KCTD7: variants seen among roughly 807,000 people sequenced by gnomAD.
KCTD7 encodes potassium channel tetramerization domain containing 7.
A neutral mutation model predicts 27.0 loss-of-function variants in KCTD7; 15 were observed. That is an observed-to-expected ratio of 0.56 (90% confidence interval 0.37 to 0.86). KCTD7 has a LOEUF of 0.86. Among genes scored for constraint, KCTD7 ranks in the 40% least tolerant of loss-of-function variants. KCTD7 has a pLI of 0.00. For synonymous variants in KCTD7, 159 were observed against 162.7 expected (o/e 0.98, Z 0.17); for missense variants, 299 against 398.9 (o/e 0.75, Z 2.13).
Position 66,640,257 on chromosome 7 carries a change from A to G in KCTD7, c.*1025A>G. On this transcript the variant is annotated 3_prime_UTR_variant, in exon 4 of 4. Transcript: ENST00000639828. ...GAAGGGCTGGGTGAGACACACAGCT[A>G]TCCTAGGAGCCGTAGGAAGACAAAA... 6.7e-7 allele frequency: 1 copy of G among 1,491,138 alleles called. No individual in the cohort carries two copies. Among genetic ancestry groups the G allele is most frequent in the Non-Finnish European group, 8.9e-7 (1 of 1,125,794 alleles). 92.4% of individuals were successfully genotyped at this position (1,491,138 alleles called of 1,614,324 possible). A position where few individuals can be genotyped will look rare whatever the true frequency, so the allele number is the denominator to read the frequency against.
rs1786741922 is a variant in KCTD7, at chr7:66,642,454, T to A, written c.*3222T>A. On this transcript the variant is annotated 3_prime_UTR_variant, in exon 4 of 4. Coordinates refer to ENST00000639828, the MANE Select transcript of KCTD7 (RefSeq NM_153033.5). Reference sequence around the variant, plus strand: ...TTGCTGGAGGAATAGGAAGTGACATTTATAAGACACAGGCGGTGTGAGCAT... The same window carrying A: ...TTGCTGGAGGAATAGGAAGTGACATATATAAGACACAGGCGGTGTGAGCAT... 19 of 985,452 alleles carry A rather than the reference T, an allele frequency of 1.9e-5. No individual in the cohort carries two copies. Among genetic ancestry groups the A allele is most frequent in the Non-Finnish European group, 2.2e-5 (18 of 829,942 alleles). 61.0% of individuals were successfully genotyped at this position (985,452 alleles called of 1,614,324 possible).
At chr7:66,632,382 G>A (rs950896560) in intron 1 of KCTD7, among the ~76,000 whole-genome samples, 9 of 151,746 alleles carry the variant, frequency 5.9e-5, no homozygotes, top group Non-Finnish European at 1.3e-4. Flanking sequence ...AGCTACTCGG[G>A]AGGCTGAGGC....
intron 2 of KCTD7, 62 bp from the exon 3 acceptor site, chr7:66,638,191 C>T (rs1381608189): frequency 1.3e-6 from 2 of 1,567,414 alleles, no homozygotes; most frequent in East Asian, 2.2e-5. Flanking sequence ...CCAATGCACA[C>T]TGTGTGGCAC....
chr7:66,631,859 T>TG, intron 1 of KCTD7, among the ~76,000 whole-genome samples: 1 of 152,300 alleles, frequency 6.6e-6, no homozygotes, highest in South Asian at 2.1e-4. Flanking sequence ...GAGGAGTAGA[T>TG]GCCTGGAAGT....
intron 2 of KCTD7, among the ~76,000 whole-genome samples, chr7:66,633,953 G>C (rs559287650): frequency 6.6e-6 from 1 of 151,660 alleles, no homozygotes; most frequent in African/African-American, 2.4e-5. Flanking sequence ...ACGCCTCTGC[G>C]CTCCAGCCTG....
intron 1 of KCTD7, among the ~76,000 whole-genome samples, chr7:66,633,056 C>CA (rs886431449): frequency 1.3e-4 from 19 of 141,110 alleles, no homozygotes; most frequent in East Asian, 2.0e-4. Context: ...AACTCCATCT[C>CA]AAAAAAAAAA....
At position 66,642,335 on chromosome 7, in the gene KCTD7, G is replaced by T. The variant is rs571947982; in HGVS notation, c.*3103G>T. 3.0e-6 allele frequency: 3 copies of T among 985,436 alleles called. No individual in the cohort carries two copies. The highest frequency in any genetic ancestry group is 6.1e-5 in the Admixed American group (1 of 16,282). 61.0% of individuals were successfully genotyped at this position (985,436 alleles called of 1,614,324 possible). ...AGTCAGCTGTACTCTGGAAGTTTCT[G>T]TTCTTCTTTCCTGGGGCTTAGGATA... On this transcript the variant is annotated 3_prime_UTR_variant, in exon 4 of 4. Transcript: ENST00000639828.
chr7:66,642,689 CTG>C lies in KCTD7; in HGVS notation c.*3459_*3460del. On this transcript the variant is annotated 3_prime_UTR_variant, in exon 4 of 4. Coordinates refer to ENST00000639828, the MANE Select transcript of KCTD7 (RefSeq NM_153033.5). The stretch of plus-strand genomic sequence containing the variant: ...TGGGGCTCTTGCGTGAAGGTGGTAC[CTG>C]TCTCATGATCCTTAAAAGAGAGAGG... 4 of 985,356 alleles carry C rather than the reference CTG, an allele frequency of 4.1e-6. No homozygotes were observed. The South Asian group carries it at 1.9e-4, about 46-fold the overall frequency. The allele number at this position is 985,356 out of a possible 1,614,324, so 61.0% of individuals were successfully genotyped here.
rs1392206824 is a variant in KCTD7, at chr7:66,638,941, C to G, written c.579C>G (p.Phe193Leu). The G allele has an allele frequency of 7.4e-6, 12 of 1,614,086 alleles. No individual in the cohort carries two copies. The highest frequency in any genetic ancestry group is 1.0e-5 in the Non-Finnish European group (12 of 1,180,044). Residue 193 changes from phenylalanine (F) to leucine (L), a missense_variant, in exon 4 of 4, where the codon TTC becomes TTG. Phe to Leu is a conservative substitution (Grantham distance 22). Coordinates refer to ENST00000639828, the MANE Select transcript of KCTD7 (RefSeq NM_153033.5). ...ARFAKLKVCV[F>L]KEEMPITPYE... ...TTGCCAAGCTCAAGGTCTGTGTCTT[C>G]AAGGAGGAGATGCCCATCACCCCCT... is the stretch of plus-strand genomic sequence containing the variant.
chr7:66,632,783 C>T (rs1348392350), intron 1 of KCTD7, among the ~76,000 whole-genome samples: 1 of 151,914 alleles, frequency 6.6e-6, no homozygotes, highest in Non-Finnish European at 1.5e-5. Flanking sequence ...GTGGCTCATG[C>T]CTGTAATCCC....
chr7:66,629,026 G>T lies in KCTD7; in HGVS notation c.-39G>T, dbSNP rs774430442. 5 of 1,479,660 alleles carry T rather than the reference G, an allele frequency of 3.4e-6. No homozygotes were observed. In the Admixed American group the frequency reaches 9.3e-5, roughly 27 times the overall value. The allele number at this position is 1,479,660 out of a possible 1,614,324, so 91.7% of individuals were successfully genotyped here. A position where few individuals can be genotyped will look rare whatever the true frequency, so the allele number is the denominator to read the frequency against. ...GGGAGTGCCCGGGGCCGCCGCCTCC[G>T]CCCGCCCGAAGCCGCGCCCACTGCC... On this transcript the variant is annotated 5_prime_UTR_variant, in exon 1 of 4. Coordinates refer to ENST00000639828, the MANE Select transcript of KCTD7 (RefSeq NM_153033.5).
chr7:66,634,126 A>G (rs1362237303), intron 2 of KCTD7, among the ~76,000 whole-genome samples: 1 of 146,086 alleles, frequency 6.8e-6, no homozygotes, highest in Non-Finnish European at 1.5e-5. Context: ...ATATATATAT[A>G]TATATATATA....
rs980854720 is a variant in KCTD7, at chr7:66,640,497, G to A, written c.*1265G>A. ...GGGTCTGGACATGCATCTCCTAAAG[G>A]AAGAACTGTGTAGCACCATTGATCA... On this transcript the variant is annotated 3_prime_UTR_variant, in exon 4 of 4. Coordinates refer to ENST00000639828, the MANE Select transcript of KCTD7 (RefSeq NM_153033.5). 47 of 1,532,646 alleles carry A rather than the reference G, an allele frequency of 3.1e-5. No individual in the cohort carries two copies. The highest frequency in any genetic ancestry group is 4.0e-5 in the Non-Finnish European group (46 of 1,145,062). The allele number at this position is 1,532,646 out of a possible 1,614,324, so 94.9% of individuals were successfully genotyped here. A position where few individuals can be genotyped will look rare whatever the true frequency, so the allele number is the denominator to read the frequency against.
chr7:66,638,619 C>T, intron 3 of KCTD7, 188 bp downstream of exon 3: 1 of 789,212 alleles, frequency 1.3e-6, no homozygotes, highest in South Asian at 1.8e-5. Context: ...TGGCCTATGA[C>T]AGTTAGCAAA....
chr7:66,640,527 G>A lies in KCTD7; in HGVS notation c.*1295G>A. ...ACTGTGTAGCACCATTGATCACAATGTAACATTTCCATGCTGCATTAAGGG... is the reference window on the plus strand; with the variant it reads ...ACTGTGTAGCACCATTGATCACAATATAACATTTCCATGCTGCATTAAGGG... On this transcript the variant is annotated 3_prime_UTR_variant, in exon 4 of 4. Coordinates refer to ENST00000639828, the MANE Select transcript of KCTD7 (RefSeq NM_153033.5). The A allele has an allele frequency of 6.7e-7, 1 of 1,499,584 alleles. No homozygotes were observed. Among genetic ancestry groups the A allele is most frequent in the Non-Finnish European group, 8.9e-7 (1 of 1,128,710 alleles). The allele number at this position is 1,499,584 out of a possible 1,614,324, so 92.9% of individuals were successfully genotyped here. A position where few individuals can be genotyped will look rare whatever the true frequency, so the allele number is the denominator to read the frequency against.
At position 66,633,258 on chromosome 7, in the gene KCTD7, T is replaced by A. The variant is rs2116763618; in HGVS notation, c.145-17T>A. ...TTCCCCGTTGCCTGCCTGAGAGCCCTGGTGATTTCTTTCCAGTTTCCTGAG... is the reference window on the plus strand; with the variant it reads ...TTCCCCGTTGCCTGCCTGAGAGCCCAGGTGATTTCTTTCCAGTTTCCTGAG... On this transcript the variant is annotated splice_polypyrimidine_tract_variant and intron_variant, in intron 1 of 3. Coordinates refer to ENST00000639828, the MANE Select transcript of KCTD7 (RefSeq NM_153033.5). 1 of 1,613,624 alleles carries A rather than the reference T, an allele frequency of 6.2e-7. No homozygotes were observed. Among genetic ancestry groups the A allele is most frequent in the Non-Finnish European group, 8.5e-7 (1 of 1,179,786 alleles).
chr7:66,633,490 T>C, intron 2 of KCTD7, 46 bp downstream of exon 2: 1 of 1,587,726 alleles, frequency 6.3e-7, no homozygotes, highest in South Asian at 1.1e-5. Flanking sequence ...TAGCAGGTGA[T>C]TAGCGTAGGC....
chr7:66,643,147 G>T (rs1187001673), downstream of KCTD7: 2 of 959,126 alleles, frequency 2.1e-6, no homozygotes, highest in African/African-American at 4.4e-5. Flanking sequence ...AAAATGTGGT[G>T]TGTTTGGGGA....
chr7:66,632,380 G>A (rs1014255066), intron 1 of KCTD7, among the ~76,000 whole-genome samples: 5 of 151,644 alleles, frequency 3.3e-5, no homozygotes, highest in South Asian at 4.2e-4. Flanking sequence ...CCAGCTACTC[G>A]GGAGGCTGAG....
Sources: gnomAD v4.1 joint callset for allele counts (sites outside exome capture counted in the v4.1 genomes callset) on GRCh38, gnomAD v4.1.1 for gene constraint, MANE v1.5 for transcripts, NCBI Gene and HGNC (gene_info 2026-07-23, HGNC 2026-07-21) for gene names.